The following CELSR2 variants were observed in gnomAD, a reference collection of about 807,000 sequenced individuals.
CELSR2 encodes the protein EGF-like protein 2.
A neutral mutation model predicts 251.6 loss-of-function variants in CELSR2; 81 were observed. That is an observed-to-expected ratio of 0.32 (90% CI 0.27 to 0.39). The LOEUF is 0.39. Ranked by LOEUF, CELSR2 falls within the 10% of genes least tolerant of loss-of-function variation. The probability of loss-of-function intolerance (pLI) is 1.00; values close to 1 mark genes in which losing one functional copy is unlikely to be tolerated. For synonymous variants in CELSR2, 1,721 were observed against 1,670.5 expected (o/e 1.03, Z -0.74); for missense variants, 3,365 against 3,947.7 (o/e 0.85, Z 3.96).
chr1:109,268,397 G>A (rs1387531521), intron 17 of CELSR2, among the ~76,000 whole-genome samples, 184 bp from the exon 18 acceptor site: 1 of 152,226 alleles, frequency 6.6e-6, no homozygotes, highest in Admixed American at 6.5e-5. Context: ...AGGGCTTAGG[G>A]GCAGAGCATC....
rs1656487318 is a variant in CELSR2 at position 109,274,939 on chromosome 1, AAC to A, written c.*894_*895del. On this transcript the variant is annotated 3_prime_UTR_variant, in exon 34 of 34. Coordinates refer to ENST00000271332, the MANE Select transcript of CELSR2 (RefSeq NM_001408.3). Reference sequence around the variant, plus strand: ...TGATGTGGGTGGGGGAGGAAGAGTAAACACAGTGCTGGCTCGGCTGCCCTGAG... The same window carrying A: ...TGATGTGGGTGGGGGAGGAAGAGTAAACAGTGCTGGCTCGGCTGCCCTGAG... 1 of 152,626 alleles carries A rather than the reference AAC, an allele frequency of 6.6e-6. No individual in the cohort carries two copies. The highest frequency in any genetic ancestry group is 2.4e-5 in the African/African-American group (1 of 41,428). The allele number at this position is 152,626 out of a possible 1,614,324, so 9.5% of individuals were successfully genotyped here.
chr1:109,273,172 G>GCCCAGGGCCTGGCAAGGC lies in CELSR2; in HGVS notation c.8349_8366dup (p.Gly2784_Pro2789dup), dbSNP rs1656421990. On this transcript the variant is annotated inframe_insertion, in exon 32 of 34. Transcript: ENST00000271332. Reference sequence around the variant, plus strand: ...TACTTCCTTTCCCCACCAGATGGGGGCCCAGGGCCTGGCAAGGCCCCCTGG... The same window carrying GCCCAGGGCCTGGCAAGGC: ...TACTTCCTTTCCCCACCAGATGGGGGCCCAGGGCCTGGCAAGGCCCCAGGGCCTGGCAAGGCCCCCTGG... 1 of 1,607,748 alleles carries GCCCAGGGCCTGGCAAGGC rather than the reference G, an allele frequency of 6.2e-7. No homozygotes were observed. Among genetic ancestry groups the GCCCAGGGCCTGGCAAGGC allele is most frequent in the Admixed American group, 1.7e-5 (1 of 59,088 alleles).
intron 23 of CELSR2, 25 bp downstream of exon 23, chr1:109,270,158 A>G: frequency 6.2e-7 from 1 of 1,610,300 alleles, no homozygotes; most frequent in Non-Finnish European, 8.5e-7. Flanking sequence ...CTGCCCAGAA[A>G]CTGTCCCCAC....
At position 109,259,025 on chromosome 1, in the gene CELSR2, C is replaced by A. The variant is rs759227895; in HGVS notation, c.3904C>A (p.Arg1302Ser). ...CTCGCGGCCCTGTGGCCCCCACGGG[C>A]GCTGCCGCAGCCGCGAGGGCGGCTA... ...CYSRPCGPHG[R>S]CRSREGGYTC... Residue 1302 changes from arginine to serine, a missense_variant, in exon 2 of 34, where the codon CGC becomes AGC. By Grantham distance (110) the Arg-to-Ser change is moderately radical. Around this residue, in one of 5 missense-constraint regions of CELSR2, gnomAD observed 2,093 missense variants for 2,382.8 expected, o/e 0.88. Transcript: ENST00000271332. 21 of 1,599,866 alleles carry A rather than the reference C, an allele frequency of 1.3e-5. No individual in the cohort carries two copies. Among genetic ancestry groups the A allele is most frequent in the Non-Finnish European group, 1.7e-5 (20 of 1,177,236 alleles).
chr1:109,253,126 G>T lies in CELSR2; in HGVS notation c.3047G>T (p.Arg1016Leu), dbSNP rs749457417. The change falls in exon 1 of 34, where the codon CGC becomes CTC. Residue 1016 changes from arginine to leucine, a missense_variant. Physicochemically the swap from Arg to Leu is moderately radical, Grantham distance 102. Around this residue, in one of 5 missense-constraint regions of CELSR2, gnomAD observed 505 missense variants for 660.0 expected, o/e 0.77. Coordinates refer to ENST00000271332, the MANE Select transcript of CELSR2 (RefSeq NM_001408.3). ...RATVHVRLLDRNDNPPVLGNF... is the reference protein window; with the variant it reads ...RATVHVRLLDLNDNPPVLGNF... Reference sequence around the variant, plus strand: ...ACAGTCCACGTCCGCCTCCTTGACCGCAATGACAACCCACCAGTGCTGGGC... The same window carrying T: ...ACAGTCCACGTCCGCCTCCTTGACCTCAATGACAACCCACCAGTGCTGGGC... 6.2e-7 allele frequency: 1 copy of T among 1,613,692 alleles called. No homozygotes were observed. Among genetic ancestry groups the T allele is most frequent in the Admixed American group, 1.7e-5 (1 of 60,000 alleles).
At chr1:109,270,331 C>T (rs898090775) in intron 23 of CELSR2, 95 bp from the exon 24 acceptor site, 1 of 1,444,270 alleles carries the variant, frequency 6.9e-7, no homozygotes, top group Non-Finnish European at 9.5e-7. Context: ...GGAAGCAGTT[C>T]CCAACACCCA....
intron 8 of CELSR2, 118 bp from the exon 9 acceptor site, chr1:109,263,493 G>A: frequency 2.1e-6 from 3 of 1,458,740 alleles, no homozygotes; most frequent in Non-Finnish European, 2.8e-6. Context: ...ACTTTGGAGG[G>A]CGGGGCTGAT....
At chr1:109,265,667 G>A (rs1656165039) in intron 13 of CELSR2, 68 bp from the exon 14 acceptor site, 11 of 1,560,832 alleles carry the variant, frequency 7.0e-6, no homozygotes, top group Admixed American at 1.8e-5. Flanking sequence ...GGCCACAGCT[G>A]AGAAGGACCC....
chr1:109,251,139 C>A lies in CELSR2; in HGVS notation c.1060C>A (p.Pro354Thr), dbSNP rs1655674866. 6.2e-7 allele frequency: 1 copy of A among 1,613,052 alleles called. No individual in the cohort carries two copies. The highest frequency in any genetic ancestry group is 1.3e-5 in the African/African-American group (1 of 74,906). The change falls in exon 1 of 34, where the codon CCT (proline) becomes ACT (threonine). Residue 354 changes from proline to threonine, a missense_variant. Pro to Thr is a conservative substitution (Grantham distance 38). Transcript: ENST00000271332. This position sits in a 1 kb window ranked among gnomAD's most constrained non-coding sequence, Gnocchi z 4.9. ...PRSGVIRTRG[P>T]VDREEVESYQ... ...CTCTGGGGTGATCCGAACCCGTGGCCCTGTGGATCGGGAAGAGGTGGAATC... is the reference window on the plus strand; with the variant it reads ...CTCTGGGGTGATCCGAACCCGTGGCACTGTGGATCGGGAAGAGGTGGAATC...
intron 30 of CELSR2, 48 bp from the exon 31 acceptor site, chr1:109,272,785 G>A: frequency 6.2e-7 from 1 of 1,612,982 alleles, no homozygotes; most frequent in Non-Finnish European, 8.5e-7. Context: ...TTTACTGAAG[G>A]TGGGTGGAGG....
chr1:109,270,333 C>G, intron 23 of CELSR2, 93 bp from the exon 24 acceptor site: 2 of 1,459,522 alleles, frequency 1.4e-6, no homozygotes, highest in Non-Finnish European at 1.9e-6. Flanking sequence ...AAGCAGTTCC[C>G]AACACCCAGG....
At chr1:109,266,373 TGCCCAGGTG>T (rs1440359153) in intron 15 of CELSR2, 167 bp downstream of exon 15, 1 of 758,034 alleles carries the variant, frequency 1.3e-6, no homozygotes, top group African/African-American at 1.8e-5. Flanking sequence ...TTCCCCATGT[TGCCCAGGTG>T]TGCCTACATC....
rs201451226 is a variant in CELSR2, at chr1:109,265,858, G to A, written c.5851G>A (p.Gly1951Arg). The A allele has an allele frequency of 1.2e-4, 192 of 1,614,034 alleles. No homozygotes were observed. The highest frequency in any genetic ancestry group is 1.5e-4 in the Non-Finnish European group (179 of 1,179,998). The change falls in exon 14 of 34, where the codon GGG (glycine) becomes AGG (arginine). Residue 1951 changes from glycine (G) to arginine (R), a missense_variant. Gly to Arg is a moderately radical substitution (Grantham distance 125). Transcript: ENST00000271332. ...GTGTCCATGCAAGCCAGGTGTCATCGGGCGTCAGTGTGACCGCTGTGACAA... is the reference window on the plus strand; with the variant it reads ...GTGTCCATGCAAGCCAGGTGTCATCAGGCGTCAGTGTGACCGCTGTGACAA... ...GQCPCKPGVIGRQCDRCDNPF... is the reference protein window; with the variant it reads ...GQCPCKPGVIRRQCDRCDNPF...
chr1:109,258,965 G>A lies in CELSR2; in HGVS notation c.3844G>A (p.Gly1282Ser). The A allele has an allele frequency of 1.2e-6, 2 of 1,610,736 alleles. No homozygotes were observed. The highest frequency in any genetic ancestry group is 1.1e-5 in the South Asian group (1 of 91,016). Residue 1282 changes from glycine (G) to serine (S), a missense_variant, in exon 2 of 34, where the codon GGT becomes AGT. Around this residue, in one of 5 missense-constraint regions of CELSR2, gnomAD observed 2,093 missense variants for 2,382.8 expected, o/e 0.88. Transcript: ENST00000271332. ...LRCRCPPGFT[G>S]DYCETEVDLC... ...CTGCCGCTGCCCGCCCGGCTTCACG[G>A]GTGACTACTGCGAGACCGAGGTGGA...
Position 109,265,207 on chromosome 1 carries a change from C to A in CELSR2, c.5623C>A (p.Pro1875Thr). 1 of 1,606,610 alleles carries A rather than the reference C, an allele frequency of 6.2e-7. No homozygotes were observed. Among genetic ancestry groups the A allele is most frequent in the Non-Finnish European group, 8.5e-7 (1 of 1,175,784 alleles). Residue 1875 changes from proline to threonine, a missense_variant, in exon 13 of 34, where the codon CCC becomes ACC. By Grantham distance (38) the Pro-to-Thr change is conservative. Transcript: ENST00000271332. ...YCETRIDQPC[P>T]RGWWGHPTCG... is the part of the protein sequence containing the mutation. ...TCTCTGCAGGATTGACCAGCCTTGT[C>A]CCCGTGGCTGGTGGGGACATCCCAC... is the stretch of plus-strand genomic sequence containing the variant.
chr1:109,265,423 G>A (rs963203470), intron 13 of CELSR2, 112 bp downstream of exon 13: 3 of 1,250,662 alleles, frequency 2.4e-6, no homozygotes, highest in African/African-American at 1.5e-5. Context: ...TGAGGGCCTT[G>A]TGCCTTTGCT....
chr1:109,273,082 G>T, intron 31 of CELSR2, 55 bp downstream of exon 31: 1 of 1,593,486 alleles, frequency 6.3e-7, no homozygotes, highest in South Asian at 1.1e-5. Flanking sequence ...CAGTGGGCCT[G>T]GGGTTCTTGG....
At chr1:109,272,471 G>A (rs1656400101) in intron 29 of CELSR2, 66 bp downstream of exon 29, 2 of 1,562,246 alleles carry the variant, frequency 1.3e-6, no homozygotes, top group South Asian at 1.2e-5. Context: ...ACCCAGGCCA[G>A]CCAGCTGTTG....
Position 109,273,668 on chromosome 1 carries a change from C to T in CELSR2, c.8742C>T (p.Ser2914=), listed in dbSNP as rs554954589. 1.2e-4 allele frequency: 152 copies of T among 1,245,512 alleles called. 1 individual carries two copies. In the South Asian group the frequency reaches 1.2e-3, roughly 10 times the overall value. 77.2% of individuals were successfully genotyped at this position (1,245,512 alleles called of 1,614,324 possible). Residue 2914 remains serine (S), a splice_region_variant and synonymous_variant, in exon 33 of 34, where the codon TCC becomes TCT. Coordinates refer to ENST00000271332, the MANE Select transcript of CELSR2 (RefSeq NM_001408.3). ...AGTVDEDSSG[S]EFLFFNFLH is the part of the protein sequence containing the mutation. ...CGGTGGATGAGGACTCGTCAGGCTCCGAGTGAGTGTGGCCGGGTGGGCGGG... is the reference window on the plus strand; with the variant it reads ...CGGTGGATGAGGACTCGTCAGGCTCTGAGTGAGTGTGGCCGGGTGGGCGGG...
Sources: allele counts gnomAD v4.1 joint callset (sites outside exome capture counted in the v4.1 genomes callset), GRCh38; gene constraint gnomAD v4.1.1; regional missense constraint gnomAD v4.1.1; non-coding constraint Gnocchi (gnomAD v3.1); transcripts MANE v1.5; gene names NCBI Gene and HGNC (gene_info 2026-07-23, HGNC 2026-07-21).